Variants in NOVA1 observed in about 807,000 individuals in gnomAD.
NOVA1 encodes the protein RNA-binding protein Nova-1.
In NOVA1, 7 loss-of-function variants were observed where a neutral mutation model predicts 38.0. The ratio of observed to expected loss-of-function variants is 0.18; its 90% CI spans 0.10 to 0.35. The LOEUF (loss-of-function observed/expected upper bound fraction) is 0.35, where lower values mean the gene tolerates loss of function less well. NOVA1 is among the 10% of genes least tolerant of loss of function. The pLI is 1.00. For missense variants in NOVA1, 460 were observed against 616.0 expected, an observed-to-expected ratio of 0.75 and a Z score of 2.68; for synonymous variants, 270 against 232.5, an observed-to-expected ratio of 1.16 and a Z score of -1.47.
chr14:26,564,873 G>A (rs1296059068), intron 2 of NOVA1, among the ~76,000 whole-genome samples: 1 of 152,096 alleles, frequency 6.6e-6, no homozygotes, highest in Non-Finnish European at 1.5e-5. Context: ...AAACCTTTAA[G>A]TACTCTACCC....
intron 2 of NOVA1, among the ~76,000 whole-genome samples, chr14:26,564,061 T>C (rs1420796605): frequency 1.3e-5 from 2 of 152,130 alleles, no homozygotes; most frequent in African/African-American, 4.8e-5. Flanking sequence ...AGTGGAAATT[T>C]TAACCCTGGC....
chr14:26,576,599 C>CTG (rs1234022186), intron 2 of NOVA1, among the ~76,000 whole-genome samples: 3 of 151,324 alleles, frequency 2.0e-5, no homozygotes, highest in African/African-American at 4.8e-5. Context: ...ATGTGTGTGT[C>CTG]TGTGTGTGTG....
chr14:26,527,796 G>A (rs1031262429), intron 2 of NOVA1, among the ~76,000 whole-genome samples: 1 of 152,176 alleles, frequency 6.6e-6, no homozygotes, highest in African/African-American at 2.4e-5. Flanking sequence ...TTTCTCAAAT[G>A]TACCCAATCA....
chr14:26,532,240 T>A (rs1009717063), intron 2 of NOVA1, among the ~76,000 whole-genome samples: 3 of 152,186 alleles, frequency 2.0e-5, no homozygotes, highest in Admixed American at 2.0e-4. Context: ...TACTCAAATA[T>A]TCATAGCAAT....
chr14:26,523,625 T>G (rs1382440099), intron 2 of NOVA1, among the ~76,000 whole-genome samples: 9 of 152,150 alleles, frequency 5.9e-5, no homozygotes, highest in Admixed American at 5.9e-4. Flanking sequence ...TCATAAACAA[T>G]CAGTATGGTT....
chr14:26,557,442 T>C (rs2138668808), intron 2 of NOVA1, among the ~76,000 whole-genome samples: 1 of 152,090 alleles, frequency 6.6e-6, no homozygotes, highest in African/African-American at 2.4e-5. Flanking sequence ...CACTGCAGCC[T>C]CGACATCCTC....
At chr14:26,471,804 C>A (rs1884608595) in intron 4 of NOVA1, 1 of 153,096 alleles carries the variant, frequency 6.5e-6, no homozygotes, top group South Asian at 2.1e-4. Context: ...AAAATTACCA[C>A]AAATACCAAT....
intron 2 of NOVA1, among the ~76,000 whole-genome samples, chr14:26,495,901 G>A (rs1938935360): frequency 8.0e-6 from 1 of 124,560 alleles, no homozygotes; most frequent in Admixed American, 9.4e-5. Flanking sequence ...TATCATTGTT[G>A]GACATTTGGG....
At position 26,448,004 on chromosome 14, in the gene NOVA1, T is replaced by C; in HGVS notation, c.1479A>G (p.Thr493=). 6.2e-7 allele frequency: 1 copy of C among 1,614,202 alleles called. No individual in the cohort carries two copies. Among genetic ancestry groups the C allele is most frequent in the East Asian group, 2.2e-5 (1 of 44,872 alleles). The part of the protein sequence containing the change: ...AAQYLITQRI[T]YEQGVRAANP... ...TGGCAGCCCGAACTCCTTGCTCATATGTGATCCTTTGTGTAATTAAATATT... is the reference window on the plus strand; with the variant it reads ...TGGCAGCCCGAACTCCTTGCTCATACGTGATCCTTTGTGTAATTAAATATT... Residue 493 remains threonine, a synonymous_variant, in exon 5 of 5, where the codon ACA becomes ACG. Transcript: ENST00000539517. This position sits in a 1 kb window ranked among gnomAD's most constrained non-coding sequence, Gnocchi z 5.3.
At chr14:26,465,998 A>G (rs1315243725) in intron 4 of NOVA1, among the ~76,000 whole-genome samples, 2 of 152,152 alleles carry the variant, frequency 1.3e-5, no homozygotes, top group African/African-American at 4.8e-5. Context: ...GGGGGAGGCC[A>G]GGTTGCCATA....
intron 2 of NOVA1, among the ~76,000 whole-genome samples, chr14:26,528,390 T>C (rs1053554499): frequency 6.6e-6 from 1 of 152,146 alleles, no homozygotes; most frequent in Non-Finnish European, 1.5e-5. Context: ...ACAATGCATA[T>C]TGTATATAAT....
chr14:26,482,162 G>A (rs982242593), intron 2 of NOVA1, among the ~76,000 whole-genome samples: 2 of 151,922 alleles, frequency 1.3e-5, no homozygotes, highest in African/African-American at 4.8e-5. Context: ...GAGCCATAAA[G>A]AATTATGACT....
Position 26,479,584 on chromosome 14 carries a change from G to A in NOVA1, c.447+393C>T, listed in dbSNP as rs1160831749. The A allele has an allele frequency of 4.3e-5, 8 of 185,132 alleles. No individual in the cohort carries two copies. In the East Asian group the frequency reaches 6.8e-4, roughly 16 times the overall value. 11.5% of individuals were successfully genotyped at this position (185,132 alleles called of 1,614,324 possible). A position where few individuals can be genotyped will look rare whatever the true frequency, so the allele number is the denominator to read the frequency against. ...AGCCTCTATGCATAATAACTATCCT[G>A]AAAACTACAAATATCACTAAAAATA... On this transcript the variant is annotated intron_variant, in intron 3 of 4. Transcript: ENST00000539517.
intron 2 of NOVA1, among the ~76,000 whole-genome samples, chr14:26,546,355 TAACA>T: frequency 6.6e-6 from 1 of 152,232 alleles, no homozygotes; most frequent in East Asian, 1.9e-4. Flanking sequence ...TTCGTCTCTC[TAACA>T]AATAAAATTT....
At chr14:26,543,240 G>A (rs1890581161) in intron 2 of NOVA1, among the ~76,000 whole-genome samples, 1 of 151,940 alleles carries the variant, frequency 6.6e-6, no homozygotes, top group Non-Finnish European at 1.5e-5. Flanking sequence ...ACTAACTGTT[G>A]ATCCCTCAAA....
rs145050329 is a variant in NOVA1 at position 26,597,374 on chromosome 14, G to A, written c.63C>T (p.Asp21=). Residue 21 remains aspartate, a synonymous_variant, in exon 1 of 5, where the codon GAC becomes GAT. Transcript: ENST00000539517. ...GCGGCCTTTTCCGCGAGTCCGGCGGGTCCAGGTCTATGGGAACCCCAGTGT... is the reference window on the plus strand; with the variant it reads ...GCGGCCTTTTCCGCGAGTCCGGCGGATCCAGGTCTATGGGAACCCCAGTGT... ...GTHTGVPIDL[D]PPDSRKRPLE... is the part of the protein sequence containing the mutation. The A allele has an allele frequency of 4.8e-4, 610 of 1,276,056 alleles. 1 individual carries two copies. The highest frequency in any genetic ancestry group is 1.9e-3 in the Middle Eastern group (9 of 4,764). The allele number at this position is 1,276,056 out of a possible 1,614,324, so 79.0% of individuals were successfully genotyped here. A position where few individuals can be genotyped will look rare whatever the true frequency, so the allele number is the denominator to read the frequency against.
chr14:26,565,556 C>T lies in NOVA1; in HGVS notation c.280+29854G>A, dbSNP rs377558091. 7.9e-5 allele frequency among the ~76,000 whole-genome samples: 12 copies of T among 152,110 alleles called. No individual in the cohort carries two copies. The East Asian group carries it at 1.2e-3, about 15-fold the overall frequency. On this transcript the variant is annotated intron_variant, in intron 2 of 4. Transcript: ENST00000539517. ...CTTCCACGTAAAAAGACAAAAAATT[C>T]GGTGTGATATGACAGCCAAAAAGTG...
chr14:26,575,754 A>G (rs1028242755), intron 2 of NOVA1, among the ~76,000 whole-genome samples: 1 of 152,086 alleles, frequency 6.6e-6, no homozygotes, highest in African/African-American at 2.4e-5. Context: ...TGATTAGAAA[A>G]AAAGTCAAAA....
At chr14:26,453,425 T>G (rs1317656501) in intron 4 of NOVA1, among the ~76,000 whole-genome samples, 1 of 152,034 alleles carries the variant, frequency 6.6e-6, no homozygotes, top group Non-Finnish European at 1.5e-5. Flanking sequence ...TTCCTTATTC[T>G]AGACTCACAA....
Sources: gnomAD v4.1 joint callset for allele counts (sites outside exome capture counted in the v4.1 genomes callset) on GRCh38, gnomAD v4.1.1 for gene constraint, Gnocchi (gnomAD v3.1) non-coding constraint, MANE v1.5 for transcripts, NCBI Gene and HGNC (gene_info 2026-07-23, HGNC 2026-07-21) for gene names.